PRPH2: variants seen among roughly 807,000 people sequenced by gnomAD.
PRPH2 encodes the protein peripherin 2, also known as peripherin-2.
PRPH2 carries 17 observed loss-of-function variants against 31.3 expected under a neutral mutation model. The observed-to-expected ratio is 0.54, with a 90% CI of 0.37 to 0.81. PRPH2 has a LOEUF of 0.81. PRPH2 is among the 40% of genes least tolerant of loss of function. The pLI is 0.00. For synonymous variants in PRPH2, 165 were observed against 184.4 expected, an observed-to-expected ratio of 0.89 and a Z score of 0.85; for missense variants, 430 against 439.7, an observed-to-expected ratio of 0.98 and a Z score of 0.20.
rs1799948472 is a variant in PRPH2 at position 42,696,645 on chromosome 6, C to T, written c.*1650G>A. The T allele has an allele frequency of 6.6e-6, 1 of 152,180 alleles. No individual in the cohort carries two copies. Among genetic ancestry groups the T allele is most frequent in the South Asian group, 2.1e-4 (1 of 4,828 alleles). 9.4% of individuals were successfully genotyped at this position (152,180 alleles called of 1,614,324 possible). On this transcript the variant is annotated 3_prime_UTR_variant, in exon 3 of 3. Transcript: ENST00000230381. Reference sequence around the variant, plus strand: ...ATTATCTATTGACAGCTGTTAACAGCATAGTTACACTTGTGGGCCTAGAGC... The same window carrying T: ...ATTATCTATTGACAGCTGTTAACAGTATAGTTACACTTGTGGGCCTAGAGC...
In PRPH2 at chr6:42,698,076, T is replaced by C; in HGVS notation, c.*219A>G. ...GGGCCTGAAGGGAGCTTCACTCACATTCACATTAGCTTCATTCACATTTTG... is the reference window on the plus strand; with the variant it reads ...GGGCCTGAAGGGAGCTTCACTCACACTCACATTAGCTTCATTCACATTTTG... On this transcript the variant is annotated 3_prime_UTR_variant, in exon 3 of 3. Coordinates refer to ENST00000230381, the MANE Select transcript of PRPH2 (RefSeq NM_000322.5). 1 of 624,064 alleles carries C rather than the reference T, an allele frequency of 1.6e-6. No individual in the cohort carries two copies. Among genetic ancestry groups the C allele is most frequent in the Non-Finnish European group, 2.7e-6 (1 of 365,814 alleles). The allele number at this position is 624,064 out of a possible 1,614,324, so 38.7% of individuals were successfully genotyped here.
chr6:42,721,386 AG>A (rs1761899223), intron 1 of PRPH2, among the ~76,000 whole-genome samples: 2 of 152,202 alleles, frequency 1.3e-5, no homozygotes, highest in Admixed American at 1.3e-4. Context: ...ATAGCCAAAT[AG>A]TACCTCAGTG....
chr6:42,715,381 C>T (rs765359144), intron 1 of PRPH2, among the ~76,000 whole-genome samples: 3 of 151,758 alleles, frequency 2.0e-5, no homozygotes, highest in Non-Finnish European at 4.4e-5. Flanking sequence ...TAAGACAGAG[C>T]AGCCAAAACT....
chr6:42,698,236 C>A lies in PRPH2; in HGVS notation c.*59G>T. On this transcript the variant is annotated 3_prime_UTR_variant, in exon 3 of 3. Coordinates refer to ENST00000230381, the MANE Select transcript of PRPH2 (RefSeq NM_000322.5). ...TTTCGGAGTTGGATGAGGGGGAGATCCACGTTTCTTGGAGTGCACTATTTC... is the reference window on the plus strand; with the variant it reads ...TTTCGGAGTTGGATGAGGGGGAGATACACGTTTCTTGGAGTGCACTATTTC... The A allele has an allele frequency of 6.2e-7, 1 of 1,605,370 alleles. No individual in the cohort carries two copies. The highest frequency in any genetic ancestry group is 8.5e-7 in the Non-Finnish European group (1 of 1,176,312).
Position 42,704,426 on chromosome 6 carries a change from C to T in PRPH2, c.767G>A (p.Ser256Asn), listed in dbSNP as rs980783693. The T allele has an allele frequency of 1.2e-6, 2 of 1,611,020 alleles. No individual in the cohort carries two copies. The highest frequency in any genetic ancestry group is 3.4e-5 in the Admixed American group (2 of 59,342). The change falls in exon 2 of 3, where the codon AGC (serine) becomes AAC (asparagine). Residue 256 changes from serine to asparagine, a missense_variant. Coordinates refer to ENST00000230381, the MANE Select transcript of PRPH2 (RefSeq NM_000322.5). ...GGAGTTCATGAGGCTGCTGTAGTAGCTCAGCAGGGCAGCCCTGCAGCCACG... is the reference window on the plus strand; with the variant it reads ...GGAGTTCATGAGGCTGCTGTAGTAGTTCAGCAGGGCAGCCCTGCAGCCACG... ...WVRGCRAALL[S>N]YYSSLMNSMG...
At chr6:42,710,633 G>A (rs565087061) in intron 1 of PRPH2, among the ~76,000 whole-genome samples, 2 of 152,260 alleles carry the variant, frequency 1.3e-5, no homozygotes, top group East Asian at 1.9e-4. Flanking sequence ...GCGCGGAAGG[G>A]GCCGGGGGCG....
intron 1 of PRPH2, among the ~76,000 whole-genome samples, chr6:42,708,121 C>T (rs1465136784): frequency 6.6e-6 from 1 of 152,194 alleles, no homozygotes; most frequent in Admixed American, 6.5e-5. Flanking sequence ...GTACTCTGAG[C>T]ACCTGGGAGC....
intron 1 of PRPH2, among the ~76,000 whole-genome samples, chr6:42,710,941 G>A (rs947231591): frequency 5.3e-5 from 8 of 152,224 alleles, no homozygotes; most frequent in African/African-American, 1.9e-4. Flanking sequence ...TCTAAGAAAT[G>A]ACATTTTAAA....
At chr6:42,721,673 G>T in intron 1 of PRPH2, 81 bp downstream of exon 1, 1 of 1,518,984 alleles carries the variant, frequency 6.6e-7, no homozygotes, top group Non-Finnish European at 9.1e-7. Context: ...CTGGGTGCGG[G>T]GAGAGGGGCT....
At chr6:42,701,001 T>G (rs1211061909) in intron 2 of PRPH2, among the ~76,000 whole-genome samples, 16 of 151,428 alleles carry the variant, frequency 1.1e-4, no homozygotes, top group Non-Finnish European at 1.9e-4. Flanking sequence ...TTTTTTTTTT[T>G]TGGAGATAGA....
At chr6:42,705,584 AAAAAAAAAAAAAAAAATAT>A (rs1461055788) in intron 1 of PRPH2, among the ~76,000 whole-genome samples, 1 of 15,846 alleles carries the variant, frequency 6.3e-5, no homozygotes, top group East Asian at 2.8e-3. Flanking sequence ...TAAAAAAAAA[AAAAAAAAAAAAAAAAATAT>A]ATATATATAT....
At position 42,696,726 on chromosome 6, in the gene PRPH2, T is replaced by G. The variant is rs934160247; in HGVS notation, c.*1569A>C. 1 of 152,166 alleles carries G rather than the reference T, an allele frequency of 6.6e-6. No homozygotes were observed. The allele number at this position is 152,166 out of a possible 1,614,324, so 9.4% of individuals were successfully genotyped here. ...GAGAGATAGCAAGAGCTCAGGGACC[T>G]TTGCCAAAGATGGCTGGCTCAGCAT... On this transcript the variant is annotated 3_prime_UTR_variant, in exon 3 of 3. Coordinates refer to ENST00000230381, the MANE Select transcript of PRPH2 (RefSeq NM_000322.5).
chr6:42,704,512 G>A lies in PRPH2; in HGVS notation c.681C>T (p.Ile227=). 2 of 1,614,218 alleles carry A rather than the reference G, an allele frequency of 1.2e-6. No homozygotes were observed. Among genetic ancestry groups the A allele is most frequent in the Non-Finnish European group, 1.7e-6 (2 of 1,180,044 alleles). The part of the protein sequence containing the change: ...SSPRPCIQYQ[I]TNNSAHYSYD... ...AACTGTAGTGTGCTGAGTTGTTGGT[G>A]ATCTGATACTGGATGCAGGGCCGTG... Residue 227 remains isoleucine (I), a synonymous_variant, in exon 2 of 3, where the codon ATC becomes ATT. Transcript: ENST00000230381.
chr6:42,717,223 G>A lies in PRPH2; in HGVS notation c.581+4531C>T, dbSNP rs1410976592. Among the ~76,000 whole-genome samples the A allele has an allele frequency of 6.0e-5, 9 of 151,254 alleles. No homozygotes were observed. The South Asian group carries it at 1.9e-3, about 32-fold the overall frequency. Reference sequence around the variant, plus strand: ...AGGTTAGGAGTTCAAGACCAGCCTGGCCAACATGGTGAAACTCAGTCTCTA... The same window carrying A: ...AGGTTAGGAGTTCAAGACCAGCCTGACCAACATGGTGAAACTCAGTCTCTA... On this transcript the variant is annotated intron_variant, in intron 1 of 2. Coordinates refer to ENST00000230381, the MANE Select transcript of PRPH2 (RefSeq NM_000322.5).
rs540226022 is a variant in PRPH2, at chr6:42,722,403, G to T, written c.-69C>A. Reference sequence around the variant, plus strand: ...CACCCCAAACCTTAACGAGCCCAGAGGCGGAGACTTAGGGCCTTGGGAAAA... The same window carrying T: ...CACCCCAAACCTTAACGAGCCCAGATGCGGAGACTTAGGGCCTTGGGAAAA... On this transcript the variant is annotated 5_prime_UTR_variant, in exon 1 of 3. Transcript: ENST00000230381. The surrounding 1 kb of genome is among the most constrained non-coding windows in gnomAD (Gnocchi z 4.4). 1.2e-4 allele frequency: 192 copies of T among 1,598,010 alleles called. No individual in the cohort carries two copies. The highest frequency in any genetic ancestry group is 1.6e-4 in the Non-Finnish European group (189 of 1,176,476).
chr6:42,722,185 A>T lies in PRPH2; in HGVS notation c.150T>A (p.Asp50Glu). The T allele has an allele frequency of 6.2e-7, 1 of 1,614,110 alleles. No homozygotes were observed. The highest frequency in any genetic ancestry group is 8.5e-7 in the Non-Finnish European group (1 of 1,180,022). ...AATGGCTCTCAGAATTATTCATCAC[A>T]TCGCTCCTCTTTCGGAGTTCAATCT... ...FLKIELRKRS[D>E]VMNNSESHFV... The change falls in exon 1 of 3, where the codon GAT becomes GAA. Residue 50 changes from aspartate to glutamate, a missense_variant. Asp to Glu is a conservative substitution (Grantham distance 45). Transcript: ENST00000230381. This position sits in a 1 kb window ranked among gnomAD's most constrained non-coding sequence, Gnocchi z 4.4.
chr6:42,700,987 CTT>C (rs11309863), intron 2 of PRPH2, among the ~76,000 whole-genome samples: 217 of 139,898 alleles, frequency 1.6e-3, no homozygotes, highest in Non-Finnish European at 1.8e-3. Flanking sequence ...ACTTTTCTTT[CTT>C]TTTTTTTTTT....
intron 1 of PRPH2, among the ~76,000 whole-genome samples, chr6:42,719,245 T>G (rs1582778193): frequency 1.3e-5 from 2 of 151,398 alleles, no homozygotes; most frequent in East Asian, 3.9e-4. Context: ...CTCGGCTCAC[T>G]GCAACCCCCG....
chr6:42,709,429 A>G (rs9471908), intron 1 of PRPH2, among the ~76,000 whole-genome samples: 41,751 of 150,880 alleles, frequency 0.28, 6,436 homozygotes, highest in African/African-American at 0.42. Context: ...TCCTGACTTG[A>G]CCTTTCATTC....
Sources: gnomAD v4.1 joint callset for allele counts (sites outside exome capture counted in the v4.1 genomes callset) on GRCh38, gnomAD v4.1.1 for gene constraint, Gnocchi (gnomAD v3.1) non-coding constraint, MANE v1.5 for transcripts, NCBI Gene and HGNC (gene_info 2026-07-23, HGNC 2026-07-21) for gene names.